KHDRBS2: variants seen among roughly 807,000 people sequenced by gnomAD.
KHDRBS2 encodes the protein KH RNA binding domain containing, signal transduction associated 2, also known as KH domain-containing, RNA-binding, signal transduction-associated protein 2.
A neutral mutation model predicts 44.3 loss-of-function variants in KHDRBS2; 26 were observed. The ratio of observed to expected loss-of-function variants is 0.59; its 90% confidence interval spans 0.43 to 0.81. The LOEUF is 0.81. Ranked by LOEUF, KHDRBS2 falls within the 40% of genes least tolerant of loss-of-function variation. The pLI is 0.00. For synonymous variants in KHDRBS2, 194 were observed against 151.1 expected (o/e 1.28, Z -2.08); for missense variants, 476 against 433.1 (o/e 1.10, Z -0.88).
chr6:61,584,640 CTT>C, the KHDRBS2 span, among the ~76,000 whole-genome samples: 16 of 151,664 alleles, frequency 1.1e-4, no homozygotes, highest in African/African-American at 3.6e-4. Context: ...AAAAGGATGA[CTT>C]AACAAACTAA....
At position 61,734,169 on chromosome 6, in the gene KHDRBS2, C is replaced by T. The variant is rs77068943; in HGVS notation, c.811-1405G>A. ...ATCATATAATGCTATTATTTACATA[C>T]GAAGCTTTCTGAATCTAACTTCCAT... On this transcript the variant is annotated intron_variant, in intron 6 of 8. Transcript: ENST00000281156. Among the ~76,000 whole-genome samples, 334 of 152,158 alleles carry T rather than the reference C, an allele frequency of 2.2e-3. 4 individuals are homozygous for T. The highest frequency in any genetic ancestry group is 0.017 in the Admixed American group (257 of 15,274).
chr6:61,954,870 A>C (rs1385654696), intron 4 of KHDRBS2, among the ~76,000 whole-genome samples: 1 of 83,544 alleles, frequency 1.2e-5, no homozygotes, highest in Non-Finnish European at 2.5e-5. Context: ...ATACACATAC[A>C]TATGTGTATA....
At chr6:62,252,329 C>T (rs1310700607) in intron 1 of KHDRBS2, among the ~76,000 whole-genome samples, 1 of 151,878 alleles carries the variant, frequency 6.6e-6, no homozygotes, top group African/African-American at 2.4e-5. Flanking sequence ...TTCATTCATC[C>T]GTTAAGATCA....
At chr6:61,915,785 T>C (rs1806885751) in intron 4 of KHDRBS2, among the ~76,000 whole-genome samples, 1 of 152,036 alleles carries the variant, frequency 6.6e-6, no homozygotes, top group South Asian at 2.1e-4. Context: ...GCTTTAATGT[T>C]GATATAGACT....
At chr6:61,991,111 A>T (rs1201525501) in intron 3 of KHDRBS2, among the ~76,000 whole-genome samples, 1 of 152,124 alleles carries the variant, frequency 6.6e-6, no homozygotes, top group Non-Finnish European at 1.5e-5. Context: ...TGACTTTTCC[A>T]CTATAAAATA....
At chr6:61,576,948 C>T in the KHDRBS2 span, among the ~76,000 whole-genome samples, 1 of 152,096 alleles carries the variant, frequency 6.6e-6, no homozygotes, top group Admixed American at 6.6e-5. Flanking sequence ...ACATTGTTGC[C>T]TGATTCTAGT....
chr6:61,753,942 G>C (rs1778111020), intron 6 of KHDRBS2, among the ~76,000 whole-genome samples: 2 of 152,168 alleles, frequency 1.3e-5, no homozygotes. Flanking sequence ...AAAAAAGATG[G>C]AGATAGAAAT....
At chr6:61,555,808 C>T in the KHDRBS2 span, among the ~76,000 whole-genome samples, 19 of 152,300 alleles carry the variant, frequency 1.2e-4, no homozygotes, top group South Asian at 3.9e-3. Flanking sequence ...ATCAACACTC[C>T]TGGGCTATAT....
chr6:61,978,986 G>A (rs896135671), intron 3 of KHDRBS2, among the ~76,000 whole-genome samples: 8 of 151,986 alleles, frequency 5.3e-5, no homozygotes, highest in South Asian at 2.1e-4. Flanking sequence ...CATTTCTATT[G>A]GAAGAGACTT....
At chr6:62,278,859 C>T (rs562799071) in intron 1 of KHDRBS2, among the ~76,000 whole-genome samples, 53 of 152,206 alleles carry the variant, frequency 3.5e-4, no homozygotes, top group Non-Finnish European at 6.6e-4. Flanking sequence ...CTTTGGGAGG[C>T]CGAGGTGGGC....
At chr6:62,221,580 T>G (rs1830903008) in intron 1 of KHDRBS2, among the ~76,000 whole-genome samples, 1 of 151,866 alleles carries the variant, frequency 6.6e-6, no homozygotes, top group African/African-American at 2.4e-5. Context: ...CAAAAAAAAA[T>G]TTAAAAAGAA....
chr6:61,675,026 C>T (rs1334303687), downstream of KHDRBS2, among the ~76,000 whole-genome samples: 1 of 151,688 alleles, frequency 6.6e-6, no homozygotes, highest in Non-Finnish European at 1.5e-5. Context: ...ATATTTGTCT[C>T]TATTTATGCA....
chr6:61,911,710 C>T (rs1354444807), intron 4 of KHDRBS2, among the ~76,000 whole-genome samples: 1 of 151,918 alleles, frequency 6.6e-6, no homozygotes. Flanking sequence ...CTATATTTTT[C>T]CCCAAATTAA....
the KHDRBS2 span, among the ~76,000 whole-genome samples, chr6:61,601,283 A>T: frequency 1.3e-5 from 2 of 150,488 alleles, no homozygotes; most frequent in African/African-American, 4.9e-5. Context: ...CCATGTCTCT[A>T]CCCTCTCTTT....
intron 6 of KHDRBS2, among the ~76,000 whole-genome samples, chr6:61,762,547 C>G (rs1779425431): frequency 6.6e-6 from 1 of 152,124 alleles, no homozygotes; most frequent in Non-Finnish European, 1.5e-5. Context: ...CCTCCCTCTC[C>G]TCTCTCTTGT....
intron 1 of KHDRBS2, among the ~76,000 whole-genome samples, chr6:62,260,354 A>C (rs1838138845): frequency 6.6e-6 from 1 of 152,008 alleles, no homozygotes; most frequent in African/African-American, 2.4e-5. Flanking sequence ...GGAAGGGTAG[A>C]ATGACCTTTT....
intron 3 of KHDRBS2, among the ~76,000 whole-genome samples, chr6:62,003,889 G>T (rs1778725771): frequency 6.6e-6 from 1 of 152,110 alleles, no homozygotes; most frequent in Non-Finnish European, 1.5e-5. Flanking sequence ...CAAACAACTT[G>T]CTTCTGAATG....
intron 3 of KHDRBS2, among the ~76,000 whole-genome samples, chr6:62,007,882 G>C (rs1779554988): frequency 1.3e-5 from 2 of 152,098 alleles, no homozygotes; most frequent in African/African-American, 2.4e-5. Context: ...CACATATGTT[G>C]TGCATCTCTA....
At chr6:62,019,162 T>C (rs548263015) in intron 3 of KHDRBS2, among the ~76,000 whole-genome samples, 16 of 152,028 alleles carry the variant, frequency 1.1e-4, no homozygotes, top group Non-Finnish European at 2.2e-4. Context: ...ACTAGAATTT[T>C]AGTTAGGTTT....
Sources: allele counts gnomAD v4.1 joint callset (sites outside exome capture counted in the v4.1 genomes callset), GRCh38; gene constraint gnomAD v4.1.1; transcripts MANE v1.5; gene names NCBI Gene and HGNC (gene_info 2026-07-23, HGNC 2026-07-21).